KHDRBS2: variants seen among roughly 807,000 people sequenced by gnomAD.
KHDRBS2 encodes KH domain-containing, RNA-binding, signal transduction-associated protein 2.
In KHDRBS2, 26 loss-of-function variants were observed where a neutral mutation model predicts 44.3. The ratio of observed to expected loss-of-function variants is 0.59; its 90% CI spans 0.43 to 0.81. The LOEUF is 0.81. Among genes scored for constraint, KHDRBS2 ranks in the 40% least tolerant of loss-of-function variants. KHDRBS2 has a pLI of 0.00. For synonymous variants in KHDRBS2, 194 were observed against 151.1 expected, an observed-to-expected ratio of 1.28 and a Z score of -2.08; for missense variants, 476 against 433.1, an observed-to-expected ratio of 1.10 and a Z score of -0.88.
chr6:62,074,423 C>G (rs529786494), intron 2 of KHDRBS2, among the ~76,000 whole-genome samples: 1 of 151,748 alleles, frequency 6.6e-6, no homozygotes, highest in Non-Finnish European at 1.5e-5. Context: ...TATAGTCCAC[C>G]ATCTTCTTGG....
intron 2 of KHDRBS2, among the ~76,000 whole-genome samples, chr6:62,108,570 C>T (rs1024058257): frequency 9.2e-5 from 14 of 152,084 alleles, no homozygotes; most frequent in Non-Finnish European, 1.9e-4. Context: ...CTAGAAATAC[C>T]ATTTGACCCA....
chr6:62,155,261 A>C (rs1406923290), intron 2 of KHDRBS2, among the ~76,000 whole-genome samples: 1 of 152,176 alleles, frequency 6.6e-6, no homozygotes, highest in Non-Finnish European at 1.5e-5. Flanking sequence ...AAAGAGAATA[A>C]ATTGATTGGA....
intron 7 of KHDRBS2, among the ~76,000 whole-genome samples, chr6:61,718,990 G>A (rs1325349756): frequency 1.3e-5 from 2 of 152,132 alleles, no homozygotes; most frequent in Non-Finnish European, 2.9e-5. Flanking sequence ...ATTTCAGAGG[G>A]AGGTGTCTAT....
At chr6:62,036,281 T>A (rs1458730474) in intron 3 of KHDRBS2, among the ~76,000 whole-genome samples, 1 of 151,970 alleles carries the variant, frequency 6.6e-6, no homozygotes, top group African/African-American at 2.4e-5. Context: ...CTCAACTTTA[T>A]AGAGGCCATA....
At chr6:62,211,239 T>C (rs1381421768) in intron 1 of KHDRBS2, among the ~76,000 whole-genome samples, 2 of 151,860 alleles carry the variant, frequency 1.3e-5, no homozygotes, top group Admixed American at 1.3e-4. Context: ...ATTATATAAA[T>C]AAAATGATCA....
At chr6:62,042,244 T>A (rs1302026491) in intron 3 of KHDRBS2, among the ~76,000 whole-genome samples, 1 of 151,620 alleles carries the variant, frequency 6.6e-6, no homozygotes, top group Non-Finnish European at 1.5e-5. Flanking sequence ...TAAATAAAAT[T>A]CCACTTATCT....
the KHDRBS2 span, among the ~76,000 whole-genome samples, chr6:61,611,393 G>A: frequency 1.3e-5 from 2 of 152,160 alleles, no homozygotes; most frequent in South Asian, 2.1e-4. Context: ...GCAAAGAAAA[G>A]GCTAAAGTAA....
chr6:61,774,463 T>G (rs1361588224), intron 6 of KHDRBS2, among the ~76,000 whole-genome samples: 2 of 152,098 alleles, frequency 1.3e-5, no homozygotes, highest in Non-Finnish European at 2.9e-5. Context: ...GGATACAAAA[T>G]CAATGTACAA....
At chr6:61,597,773 T>TATATATATACATACAC in the KHDRBS2 span, among the ~76,000 whole-genome samples, 1 of 42,330 alleles carries the variant, frequency 2.4e-5, no homozygotes, top group Non-Finnish European at 4.8e-5. Context: ...TATATATATA[T>TATATATATACATACAC]ACACCAAGAT....
chr6:61,670,953 T>C, the KHDRBS2 span, among the ~76,000 whole-genome samples: 1 of 151,670 alleles, frequency 6.6e-6, no homozygotes, highest in African/African-American at 2.4e-5. Context: ...CTCTCCCACA[T>C]AGCTGTCAAT....
intron 6 of KHDRBS2, among the ~76,000 whole-genome samples, chr6:61,859,482 A>T (rs937343390): frequency 9.2e-5 from 14 of 151,854 alleles, no homozygotes; most frequent in Admixed American, 9.2e-4. Flanking sequence ...TAAAAAAAAA[A>T]GTCGCCCATT....
the KHDRBS2 span, among the ~76,000 whole-genome samples, chr6:61,599,237 CTT>C: frequency 6.6e-6 from 1 of 152,012 alleles, no homozygotes; most frequent in Non-Finnish European, 1.5e-5. Flanking sequence ...TTTATACGCT[CTT>C]TTTGATATTG....
At chr6:62,214,632 A>G (rs1325268413) in intron 1 of KHDRBS2, among the ~76,000 whole-genome samples, 4 of 151,898 alleles carry the variant, frequency 2.6e-5, no homozygotes, top group African/African-American at 9.7e-5. Flanking sequence ...CTCTCTGACC[A>G]GAACTCATTC....
Position 62,050,890 on chromosome 6 carries a change from C to T in KHDRBS2, c.220-2896G>A, listed in dbSNP as rs181649332. 1.8e-3 allele frequency among the ~76,000 whole-genome samples: 275 copies of T among 152,162 alleles called. 10 individuals are homozygous for T. In the South Asian group the frequency reaches 0.052, roughly 29 times the overall value. On this transcript the variant is annotated intron_variant, in intron 2 of 8. Coordinates refer to ENST00000281156, the MANE Select transcript of KHDRBS2 (RefSeq NM_152688.4). ...CAATCACCATTAAGCCAGATGTAAA[C>T]AAGTGCTCATCCTAGAAGTACGGAC...
intron 3 of KHDRBS2, among the ~76,000 whole-genome samples, chr6:62,046,165 C>A (rs1787649406): frequency 6.6e-6 from 1 of 151,838 alleles, no homozygotes. Context: ...AATTAAACCT[C>A]ATGGAAACTT....
At chr6:62,011,001 G>A (rs1237062409) in intron 3 of KHDRBS2, among the ~76,000 whole-genome samples, 1 of 151,726 alleles carries the variant, frequency 6.6e-6, no homozygotes, top group East Asian at 1.9e-4. Context: ...GTTTTGTTTT[G>A]TTTTTTATTC....
chr6:62,072,981 T>C lies in KHDRBS2; in HGVS notation c.220-24987A>G, dbSNP rs560768754. ...GAATCCATCTGGTCCTGGACTTTTT[T>C]TGGTTGGTACGCTATTAATTATTGC... On this transcript the variant is annotated intron_variant, in intron 2 of 8. Coordinates refer to ENST00000281156, the MANE Select transcript of KHDRBS2 (RefSeq NM_152688.4). 9.3e-4 allele frequency among the ~76,000 whole-genome samples: 142 copies of C among 152,184 alleles called. 1 individual carries two copies. The highest frequency in any genetic ancestry group is 2.9e-3 in the African/African-American group (119 of 41,530).
intron 3 of KHDRBS2, among the ~76,000 whole-genome samples, chr6:62,023,640 C>A (rs1472054399): frequency 6.6e-6 from 1 of 151,276 alleles, no homozygotes; most frequent in Non-Finnish European, 1.5e-5. Flanking sequence ...TAATGTAATA[C>A]ATTAATTACT....
intron 6 of KHDRBS2, among the ~76,000 whole-genome samples, chr6:61,820,878 T>C (rs1488602542): frequency 6.6e-6 from 1 of 152,010 alleles, no homozygotes; most frequent in East Asian, 1.9e-4. Flanking sequence ...CAACAGATAA[T>C]TGAGAGAATC....
Sources: allele counts gnomAD v4.1 joint callset (sites outside exome capture counted in the v4.1 genomes callset), GRCh38; gene constraint gnomAD v4.1.1; transcripts MANE v1.5; gene names NCBI Gene and HGNC (gene_info 2026-07-23, HGNC 2026-07-21).